The following PCDH9 variants were observed in gnomAD, a reference collection of about 807,000 sequenced individuals.
The protein encoded by PCDH9 is protocadherin-9.
In PCDH9, 24 loss-of-function variants were observed where a neutral mutation model predicts 70.6. The ratio of observed to expected loss-of-function variants is 0.34; its 90% CI spans 0.25 to 0.48. The LOEUF (loss-of-function observed/expected upper bound fraction) is 0.48, where lower values mean the gene tolerates loss of function less well. Among genes scored for constraint, PCDH9 ranks in the 20% least tolerant of loss-of-function variants. PCDH9 has a pLI of 0.99. For missense variants in PCDH9, 1,281 were observed against 1,503.6 expected (o/e 0.85, Z 2.45); for synonymous variants, 562 against 558.5 (o/e 1.01, Z -0.09).
At chr13:67,127,915 T>C (rs955481230) in intron 2 of PCDH9, among the ~76,000 whole-genome samples, 8 of 152,114 alleles carry the variant, frequency 5.3e-5, no homozygotes, top group African/African-American at 1.4e-4. Context: ...GGAATGCTTC[T>C]ATTATTTTTC....
intron 2 of PCDH9, among the ~76,000 whole-genome samples, chr13:66,917,973 G>A (rs541349787): frequency 7.3e-5 from 11 of 151,350 alleles, no homozygotes; most frequent in African/African-American, 2.7e-4. Flanking sequence ...AAGGAAAATT[G>A]GGGGTGACTG....
intron 4 of PCDH9, chr13:66,323,657 CT>C (rs2138095344): frequency 6.8e-6 from 1 of 147,152 alleles, no homozygotes; most frequent in East Asian, 2.0e-4. Flanking sequence ...ATTTTGTTTC[CT>C]TTTATTGGTT....
chr13:66,513,194 GT>G (rs34958236), intron 4 of PCDH9, among the ~76,000 whole-genome samples: 3,312 of 136,568 alleles, frequency 0.024, 117 homozygotes, highest in African/African-American at 0.08. Context: ...AATAACACGT[GT>G]TTTTTTTTTT....
At position 66,856,911 on chromosome 13, in the gene PCDH9, G is replaced by C. The variant is rs41336946; in HGVS notation, c.3138+46593C>G. Among the ~76,000 whole-genome samples, 766 of 152,076 alleles carry C rather than the reference G, an allele frequency of 5.0e-3. 8 individuals carry two copies. The highest frequency in any genetic ancestry group is 0.018 in the African/African-American group (734 of 41,532). On this transcript the variant is annotated intron_variant, in intron 3 of 4. Transcript: ENST00000377865. ...TGAAAAGGAATGGATTTACCTTGTA[G>C]GTGGGGCATACACTATTGAACATTT... is the stretch of plus-strand genomic sequence containing the variant.
At chr13:67,207,120 G>A (rs1261954864) in intron 2 of PCDH9, 1 of 149,560 alleles carries the variant, frequency 6.7e-6, no homozygotes, top group Non-Finnish European at 1.5e-5. Context: ...TGTGCTCAGT[G>A]GCAAAATTTG....
chr13:66,496,371 T>C (rs1275348086), intron 4 of PCDH9, among the ~76,000 whole-genome samples: 1 of 152,184 alleles, frequency 6.6e-6, no homozygotes, highest in Non-Finnish European at 1.5e-5. Flanking sequence ...CACATTTTCA[T>C]GTAGCTACTG....
chr13:66,723,558 G>A (rs2078968945), intron 3 of PCDH9, among the ~76,000 whole-genome samples: 1 of 152,154 alleles, frequency 6.6e-6, no homozygotes, highest in South Asian at 2.1e-4. Flanking sequence ...GCAAAGCATT[G>A]ACTGTGGTTT....
chr13:66,400,326 G>T (rs1420811941), intron 4 of PCDH9, among the ~76,000 whole-genome samples: 1 of 152,128 alleles, frequency 6.6e-6, no homozygotes. Flanking sequence ...TAGGCAAGGA[G>T]TTGCTAACAG....
chr13:66,944,436 T>C (rs1194041782), intron 2 of PCDH9, among the ~76,000 whole-genome samples: 1 of 152,202 alleles, frequency 6.6e-6, no homozygotes, highest in Non-Finnish European at 1.5e-5. Flanking sequence ...AATTATTATT[T>C]GTGACAGGCA....
At chr13:66,312,438 C>T (rs1403058843) in intron 4 of PCDH9, among the ~76,000 whole-genome samples, 1 of 151,998 alleles carries the variant, frequency 6.6e-6, no homozygotes, top group Non-Finnish European at 1.5e-5. Flanking sequence ...CGGTGAAACA[C>T]CGGCTCTACA....
chr13:67,183,911 T>C (rs542919370), intron 2 of PCDH9, among the ~76,000 whole-genome samples: 67 of 152,322 alleles, frequency 4.4e-4, no homozygotes, highest in Non-Finnish European at 1.5e-4. Flanking sequence ...GGCATTCCAA[T>C]AATGGAACAC....
At chr13:67,118,197 C>T (rs2138291797) in intron 2 of PCDH9, among the ~76,000 whole-genome samples, 1 of 148,094 alleles carries the variant, frequency 6.8e-6, no homozygotes, top group African/African-American at 2.4e-5. Context: ...TACACCCATC[C>T]AAACCAAACA....
intron 3 of PCDH9, among the ~76,000 whole-genome samples, chr13:66,812,361 C>G (rs1366359379): frequency 2.0e-5 from 3 of 152,064 alleles, no homozygotes; most frequent in Non-Finnish European, 4.4e-5. Context: ...AAAAAAAAAT[C>G]CTGGAAGGAT....
At chr13:66,926,628 T>A (rs1204621430) in intron 2 of PCDH9, among the ~76,000 whole-genome samples, 1 of 152,066 alleles carries the variant, frequency 6.6e-6, no homozygotes, top group Non-Finnish European at 1.5e-5. Context: ...ATTTAATTAT[T>A]GAAGTATTTA....
chr13:66,472,595 T>C (rs1463826584), intron 4 of PCDH9, among the ~76,000 whole-genome samples: 1 of 152,092 alleles, frequency 6.6e-6, no homozygotes, highest in Non-Finnish European at 1.5e-5. Context: ...ACCAAACACA[T>C]CCATATTATA....
chr13:66,944,186 C>T (rs991282882), intron 2 of PCDH9, among the ~76,000 whole-genome samples: 6 of 151,888 alleles, frequency 4.0e-5, no homozygotes, highest in African/African-American at 1.5e-4. Context: ...AACAACTGAC[C>T]TACTTTATTT....
chr13:67,050,853 C>G (rs2085307583), intron 2 of PCDH9, among the ~76,000 whole-genome samples: 1 of 152,000 alleles, frequency 6.6e-6, no homozygotes, highest in Admixed American at 6.5e-5. Context: ...CATATTGCTT[C>G]TTCTTCCCTA....
At chr13:66,899,637 C>T (rs906080184) in intron 3 of PCDH9, among the ~76,000 whole-genome samples, 13 of 151,878 alleles carry the variant, frequency 8.6e-5, no homozygotes, top group Middle Eastern at 3.2e-3. Context: ...GCTCTGCTTG[C>T]ATTATATACT....
At chr13:67,056,053 G>T (rs2085414252) in intron 2 of PCDH9, among the ~76,000 whole-genome samples, 1 of 152,104 alleles carries the variant, frequency 6.6e-6, no homozygotes, top group Non-Finnish European at 1.5e-5. Context: ...AAAATGTATA[G>T]ATTTGCTAAA....
Sources: allele counts gnomAD v4.1 joint callset (sites outside exome capture counted in the v4.1 genomes callset), GRCh38; gene constraint gnomAD v4.1.1; transcripts MANE v1.5; gene names NCBI Gene and HGNC (gene_info 2026-07-23, HGNC 2026-07-21).